KEL: variants seen among roughly 807,000 people sequenced by gnomAD.
The protein encoded by KEL is kell blood group glycoprotein.
In KEL, 96 loss-of-function variants were observed where a neutral mutation model predicts 99.5. The ratio of observed to expected loss-of-function variants is 0.97; its 90% CI spans 0.82 to 1.14. The LOEUF is 1.14. Among genes scored for constraint, KEL ranks in the 50% most tolerant of loss-of-function variants. The pLI is 0.00. For missense variants in KEL, 926 were observed against 924.2 expected (o/e 1.00, Z -0.03); for synonymous variants, 355 against 354.8 (o/e 1.00, Z -0.01).
Position 142,943,430 on chromosome 7 carries a change from C to T in KEL, c.1703+56G>A, listed in dbSNP as rs779455683. On this transcript the variant is annotated intron_variant, in intron 15 of 18. Coordinates refer to ENST00000355265, the MANE Select transcript of KEL (RefSeq NM_000420.3). The stretch of plus-strand genomic sequence containing the variant: ...CAACCGTAAGTCCCATCCATCATAA[C>T]ACCTGTCGGCCCCTCTTGGGAAACT... 5.8e-5 allele frequency: 93 copies of T among 1,604,800 alleles called. 1 individual carries two copies. The highest frequency in any genetic ancestry group is 7.2e-5 in the Non-Finnish European group (84 of 1,171,792).
At chr7:142,958,213 C>T (rs1796874623) in intron 5 of KEL, 91 bp downstream of exon 5, 5 of 1,591,624 alleles carry the variant, frequency 3.1e-6, no homozygotes, top group Middle Eastern at 2.2e-4. Context: ...GGAAGAAGAC[C>T]CACCCTCTAG....
chr7:142,947,954 C>A (rs1374378174), intron 10 of KEL, among the ~76,000 whole-genome samples: 1 of 152,220 alleles, frequency 6.6e-6, no homozygotes, highest in African/African-American at 2.4e-5. Flanking sequence ...AATCTGCCAG[C>A]CACATTCTGC....
intron 8 of KEL, 86 bp from the exon 9 acceptor site, chr7:142,954,042 A>T (rs910832408): frequency 6.5e-7 from 1 of 1,533,808 alleles, no homozygotes; most frequent in Non-Finnish European, 9.0e-7. Context: ...GAAAAAGAAG[A>T]GAACAGGCTA....
At chr7:142,942,561 G>A (rs566187145) in intron 17 of KEL, 32 bp from the exon 18 acceptor site, 4 of 1,507,968 alleles carry the variant, frequency 2.7e-6, no homozygotes, top group South Asian at 1.2e-5. Context: ...AGGGCCATCA[G>A]GCTCTAGACC....
In KEL at chr7:142,962,294, C is replaced by T; in HGVS notation, c.-88G>A. On this transcript the variant is annotated 5_prime_UTR_variant, in exon 1 of 19. Coordinates refer to ENST00000355265, the MANE Select transcript of KEL (RefSeq NM_000420.3). ...CTGGGGTCCAGGAAACACCCCCCGC[C>T]CCAGTTCCTTGATCCTGGAGAAGGG... 1 of 1,475,600 alleles carries T rather than the reference C, an allele frequency of 6.8e-7. No homozygotes were observed. The highest frequency in any genetic ancestry group is 9.5e-7 in the Non-Finnish European group (1 of 1,054,230). 91.4% of individuals were successfully genotyped at this position (1,475,600 alleles called of 1,614,324 possible).
Position 142,944,661 on chromosome 7 carries a change from C to T in KEL, c.1395G>A (p.Gln465=). 6.2e-7 allele frequency: 1 copy of T among 1,614,026 alleles called. No individual in the cohort carries two copies. Among genetic ancestry groups the T allele is most frequent in the South Asian group, 1.1e-5 (1 of 91,078 alleles). Residue 465 remains glutamine (Q), a synonymous_variant, in exon 12 of 19, where the codon CAG becomes CAA. Transcript: ENST00000355265. Reference sequence around the variant, plus strand: ...GCCTGACCTTGTCCTGGGCCATGTTCTGGGTCTCCTCATTCATCCAGGGAA... The same window carrying T: ...GCCTGACCTTGTCCTGGGCCATGTTTTGGGTCTCCTCATTCATCCAGGGAA... ...RNLPWMNEET[Q]NMAQDKVAQL... is the part of the protein sequence containing the mutation.
chr7:142,942,305 T>C, intron 18 of KEL, 129 bp downstream of exon 18: 1 of 691,790 alleles, frequency 1.4e-6, no homozygotes, highest in South Asian at 1.6e-5. Flanking sequence ...AAGATAACAG[T>C]GAGGACATCT....
chr7:142,961,317 G>T, intron 3 of KEL, 43 bp downstream of exon 3: 4 of 1,612,068 alleles, frequency 2.5e-6, no homozygotes, highest in Non-Finnish European at 3.4e-6. Flanking sequence ...CCCCAGGGCT[G>T]GGGGAGGGCT....
At chr7:142,950,151 A>G (rs1332270696) in intron 10 of KEL, among the ~76,000 whole-genome samples, 1 of 152,238 alleles carries the variant, frequency 6.6e-6, no homozygotes, top group African/African-American at 2.4e-5. Context: ...TCATCAGGAC[A>G]TCCCATTACT....
chr7:142,962,059 C>G, intron 1 of KEL, 145 bp downstream of exon 1: 2 of 1,610,398 alleles, frequency 1.2e-6, no homozygotes, highest in South Asian at 2.2e-5. Flanking sequence ...TGCCATTTCT[C>G]GATCCCTCTC....
chr7:142,951,813 A>G (rs1410179561), intron 10 of KEL, among the ~76,000 whole-genome samples: 2 of 152,132 alleles, frequency 1.3e-5, no homozygotes, highest in African/African-American at 4.8e-5. Flanking sequence ...AAGAAAAAAA[A>G]TCCAGTGATT....
At chr7:142,942,725 G>A in intron 17 of KEL, 150 bp downstream of exon 17, 1 of 1,026,978 alleles carries the variant, frequency 9.7e-7, no homozygotes, top group Admixed American at 1.8e-5. Flanking sequence ...GGTAGGAGGG[G>A]GATCCCCAAG....
intron 6 of KEL, among the ~76,000 whole-genome samples, chr7:142,955,042 C>A (rs1243174555): frequency 6.6e-6 from 1 of 152,194 alleles, no homozygotes; most frequent in Admixed American, 6.5e-5. Context: ...ACCAATCAAG[C>A]TGTTTCTGGG....
intron 13 of KEL, 46 bp downstream of exon 13, chr7:142,944,277 C>G (rs375035987): frequency 1.4e-6 from 2 of 1,444,966 alleles, no homozygotes; most frequent in Non-Finnish European, 2.0e-6. Context: ...AGAGAAGTGA[C>G]GAGAAGTCAA....
rs747812719 is a variant in KEL, at chr7:142,961,060, G to C, written c.268C>G (p.Leu90Val). ...GCCACACTTGTGTTCCCAGAGGCCA[G>C]GTAATGATCCCGGAGATCCAAACAC... is the stretch of plus-strand genomic sequence containing the variant. ...SVCLDLRDHY[L>V]ASGNTSVAPC... Residue 90 changes from leucine (L) to valine (V), a missense_variant, in exon 4 of 19, where the codon CTG becomes GTG. Transcript: ENST00000355265. The C allele has an allele frequency of 6.2e-7, 1 of 1,614,220 alleles. No homozygotes were observed.
Position 142,951,431 on chromosome 7 carries a change from G to A in KEL, c.1203+1078C>T, listed in dbSNP as rs1158871687. ...TCTCCAACCCAAGTGATGTTCCTCAGGAAGACTGCTTTTTTAGCACAATGA... is the reference window on the plus strand; with the variant it reads ...TCTCCAACCCAAGTGATGTTCCTCAAGAAGACTGCTTTTTTAGCACAATGA... On this transcript the variant is annotated intron_variant, in intron 10 of 18. Transcript: ENST00000355265. Among the ~76,000 whole-genome samples the A allele has an allele frequency of 2.0e-5, 3 of 152,170 alleles. No individual in the cohort carries two copies. In the East Asian group the frequency reaches 5.8e-4, roughly 29 times the overall value.
At chr7:142,943,397 C>T in intron 15 of KEL, 54 bp from the exon 16 acceptor site, 1 of 1,610,326 alleles carries the variant, frequency 6.2e-7, no homozygotes, top group South Asian at 1.1e-5. Context: ...TTTGTGACCC[C>T]AATTCTCCAA....
At chr7:142,941,803 C>T (rs961517815) in intron 18 of KEL, among the ~76,000 whole-genome samples, 1 of 149,304 alleles carries the variant, frequency 6.7e-6, no homozygotes, top group Non-Finnish European at 1.5e-5. Flanking sequence ...GTCAGCCTGT[C>T]GCAGGCTTTT....
At chr7:142,946,018 C>T (rs1404764439) in intron 11 of KEL, 189 bp downstream of exon 11, 1 of 604,646 alleles carries the variant, frequency 1.7e-6, no homozygotes, top group Non-Finnish European at 3.0e-6. Context: ...AATTTGTGGC[C>T]TGAAGCTGAA....
Sources: gnomAD v4.1 joint callset for allele counts (sites outside exome capture counted in the v4.1 genomes callset) on GRCh38, gnomAD v4.1.1 for gene constraint, MANE v1.5 for transcripts, NCBI Gene and HGNC (gene_info 2026-07-23, HGNC 2026-07-21) for gene names.